CNPY1: variants seen among roughly 807,000 people sequenced by gnomAD.
The protein encoded by CNPY1 is protein canopy homolog 1.
Under a neutral mutation model 14.4 loss-of-function variants are expected in CNPY1, and 14 were observed. The ratio of observed to expected loss-of-function variants is 0.97; its 90% CI spans 0.64 to 1.52. The LOEUF (loss-of-function observed/expected upper bound fraction) is 1.52, where lower values mean the gene tolerates loss of function less well. Among genes scored for constraint, CNPY1 ranks in the 40% most tolerant of loss-of-function variants. CNPY1 has a pLI of 0.00. For synonymous variants in CNPY1, 43 were observed against 46.5 expected, an observed-to-expected ratio of 0.92 and a Z score of 0.31; for missense variants, 129 against 131.5, an observed-to-expected ratio of 0.98 and a Z score of 0.09.
chr7:155,526,560 T>C (rs1796823013), intron 2 of CNPY1, among the ~76,000 whole-genome samples: 1 of 152,112 alleles, frequency 6.6e-6, no homozygotes, highest in African/African-American at 2.4e-5. Context: ...AGTAGAATAC[T>C]GGGCAAAGGC....
chr7:155,518,857 C>A (rs188484577), intron 2 of CNPY1, among the ~76,000 whole-genome samples: 1 of 152,280 alleles, frequency 6.6e-6, no homozygotes, highest in African/African-American at 2.4e-5. Context: ...GGCTACCTTG[C>A]GCAGGCACAT....
chr7:155,509,128 T>G, intron 2 of CNPY1, 31 bp from the exon 3 acceptor site: 1 of 1,374,244 alleles, frequency 7.3e-7, no homozygotes, highest in Non-Finnish European at 1.0e-6. Flanking sequence ...AGGAAACTTG[T>G]CTTAATGTTA....
chr7:155,542,194 C>T (rs574581969), intron 2 of CNPY1, among the ~76,000 whole-genome samples: 2 of 151,988 alleles, frequency 1.3e-5, no homozygotes, highest in East Asian at 1.9e-4. Context: ...GCAGGGAAGG[C>T]GGAGCTGGGC....
chr7:155,542,633 G>A (rs1021130641), intron 2 of CNPY1, among the ~76,000 whole-genome samples: 3 of 152,164 alleles, frequency 2.0e-5, no homozygotes, highest in African/African-American at 4.8e-5. Context: ...GGGCTCCTGT[G>A]GTGCAGCCGG....
At chr7:155,522,601 A>G (rs1025315365) in intron 2 of CNPY1, among the ~76,000 whole-genome samples, 3 of 152,240 alleles carry the variant, frequency 2.0e-5, no homozygotes, top group Non-Finnish European at 2.9e-5. Context: ...AACCAGGTCT[A>G]TCTGGAGCCA....
chr7:155,526,987 T>G (rs569507686), intron 2 of CNPY1, among the ~76,000 whole-genome samples: 1 of 151,860 alleles, frequency 6.6e-6, no homozygotes, highest in Non-Finnish European at 1.5e-5. Context: ...TCTTCTTAAC[T>G]GGAAAATGTC....
In CNPY1 at chr7:155,545,877, A is replaced by C; in HGVS notation, c.53T>G (p.Val18Gly). 1 of 398,674 alleles carries C rather than the reference A, an allele frequency of 2.5e-6. No homozygotes were observed. Among genetic ancestry groups the C allele is most frequent in the Non-Finnish European group, 4.4e-6 (1 of 226,088 alleles). 24.7% of individuals were successfully genotyped at this position (398,674 alleles called of 1,614,324 possible). A position where few individuals can be genotyped will look rare whatever the true frequency, so the allele number is the denominator to read the frequency against. Residue 18 changes from valine (V) to glycine (G), a missense_variant, in exon 2 of 5, where the codon GTG (valine) becomes GGG (glycine). Coordinates refer to ENST00000636446, the MANE Select transcript of CNPY1 (RefSeq NM_001393663.1). Reference protein sequence around the residue: ...ITKARQKKTKVGSFRINPDGT... With the variant: ...ITKARQKKTKGGSFRINPDGT... ...ATCGGGATTGATTCGGAAGGATCCC[A>C]CCTTGGTCTTCTTCTGCCGAGCCTT...
chr7:155,543,774 G>A (rs1797128592), intron 2 of CNPY1, among the ~76,000 whole-genome samples: 1 of 152,182 alleles, frequency 6.6e-6, no homozygotes, highest in Non-Finnish European at 1.5e-5. Flanking sequence ...AGAAGTCTCC[G>A]TGTGATGCTG....
intron 2 of CNPY1, among the ~76,000 whole-genome samples, chr7:155,526,106 TA>T (rs1796813498): frequency 6.6e-6 from 1 of 152,162 alleles, no homozygotes; most frequent in Non-Finnish European, 1.5e-5. Context: ...ACAAATATCC[TA>T]AAAAATGCTA....
chr7:155,525,421 G>A lies in CNPY1; in HGVS notation c.100-16324C>T, dbSNP rs1258236602. Among the ~76,000 whole-genome samples the A allele has an allele frequency of 2.6e-5, 4 of 152,044 alleles. No individual in the cohort carries two copies. The South Asian group carries it at 8.3e-4, about 31-fold the overall frequency. On this transcript the variant is annotated intron_variant, in intron 2 of 4. Transcript: ENST00000636446. ...TGACCTCAGGTGATCCACCTGCCTCGGCCTCCCAAAGTGCTGGGATTACAG... is the reference window on the plus strand; with the variant it reads ...TGACCTCAGGTGATCCACCTGCCTCAGCCTCCCAAAGTGCTGGGATTACAG...
chr7:155,528,904 C>CA (rs1015741987), intron 2 of CNPY1, among the ~76,000 whole-genome samples: 20 of 152,008 alleles, frequency 1.3e-4, no homozygotes, highest in South Asian at 6.2e-4. Flanking sequence ...ACTAAAAATA[C>CA]AAAAAAATTA....
intron 2 of CNPY1, among the ~76,000 whole-genome samples, chr7:155,544,464 G>A (rs1229645611): frequency 6.6e-6 from 1 of 152,168 alleles, no homozygotes. Flanking sequence ...GTGTCTGATA[G>A]CCCAGATTGA....
At chr7:155,520,041 C>T (rs558930691) in intron 2 of CNPY1, among the ~76,000 whole-genome samples, 3 of 152,152 alleles carry the variant, frequency 2.0e-5, no homozygotes, top group East Asian at 1.9e-4. Context: ...ATTATTTTTG[C>T]GGAACATATT....
At chr7:155,509,133 A>T (rs560756648) in intron 2 of CNPY1, 36 bp from the exon 3 acceptor site, 1 of 1,296,230 alleles carries the variant, frequency 7.7e-7, no homozygotes, top group Non-Finnish European at 1.1e-6. Flanking sequence ...ACTTGTCTTA[A>T]TGTTAATGTT....
chr7:155,528,606 C>T (rs1364340240), intron 2 of CNPY1, among the ~76,000 whole-genome samples: 2 of 152,242 alleles, frequency 1.3e-5, no homozygotes, highest in Non-Finnish European at 2.9e-5. Flanking sequence ...GGCAGGACAG[C>T]AAGGCTGTGG....
chr7:155,526,493 C>T (rs557588800), intron 2 of CNPY1, among the ~76,000 whole-genome samples: 48 of 152,134 alleles, frequency 3.2e-4, no homozygotes, highest in African/African-American at 1.0e-3. Flanking sequence ...ATGCATCAGG[C>T]GGGACAGGGA....
In CNPY1 at chr7:155,540,630, C is replaced by T. The variant is rs190998174; in HGVS notation, c.99+5201G>A. 3.4e-4 allele frequency among the ~76,000 whole-genome samples: 52 copies of T among 152,326 alleles called. 1 individual carries two copies. The highest frequency in any genetic ancestry group is 1.1e-3 in the African/African-American group (47 of 41,568). The stretch of plus-strand genomic sequence containing the variant: ...GCGAGGCCTTGCTCTCACACTCAGC[C>T]GAGGCAGAGGACGCCCCTGAGCTCT... On this transcript the variant is annotated intron_variant, in intron 2 of 4. Coordinates refer to ENST00000636446, the MANE Select transcript of CNPY1 (RefSeq NM_001393663.1).
Position 155,501,841 on chromosome 7 carries a change from G to A in CNPY1, c.*1227C>T, listed in dbSNP as rs1035069323. On this transcript the variant is annotated 3_prime_UTR_variant, in exon 5 of 5. Coordinates refer to ENST00000636446, the MANE Select transcript of CNPY1 (RefSeq NM_001393663.1). Reference sequence around the variant, plus strand: ...CTCACTAACTTTTAATCAGAGTTTAGGTGGGGAGGGGGCATGGAAAGCCCT... The same window carrying A: ...CTCACTAACTTTTAATCAGAGTTTAAGTGGGGAGGGGGCATGGAAAGCCCT... 1 of 152,162 alleles carries A rather than the reference G, an allele frequency of 6.6e-6. No individual in the cohort carries two copies. Among genetic ancestry groups the A allele is most frequent in the Non-Finnish European group, 1.5e-5 (1 of 68,020 alleles). The allele number at this position is 152,162 out of a possible 1,614,324, so 9.4% of individuals were successfully genotyped here. A position where few individuals can be genotyped will look rare whatever the true frequency, so the allele number is the denominator to read the frequency against.
chr7:155,517,040 C>T (rs1200213374), intron 2 of CNPY1, among the ~76,000 whole-genome samples: 2 of 152,156 alleles, frequency 1.3e-5, no homozygotes, highest in African/African-American at 2.4e-5. Context: ...CTGCATGTGC[C>T]GTGCCCTCCA....
Sources: gnomAD v4.1 joint callset for allele counts (sites outside exome capture counted in the v4.1 genomes callset) on GRCh38, gnomAD v4.1.1 for gene constraint, MANE v1.5 for transcripts, NCBI Gene and HGNC (gene_info 2026-07-23, HGNC 2026-07-21) for gene names.